CALCRL: variants seen among roughly 807,000 people sequenced by gnomAD.
CALCRL encodes calcitonin receptor like receptor, also known as calcitonin gene-related peptide type 1 receptor.
A neutral mutation model predicts 60.4 loss-of-function variants in CALCRL; 27 were observed. The observed-to-expected ratio is 0.45, with a 90% CI of 0.33 to 0.62. The LOEUF (loss-of-function observed/expected upper bound fraction) is 0.62, where lower values mean the gene tolerates loss of function less well. Among genes scored for constraint, CALCRL ranks in the 20% least tolerant of loss-of-function variants. CALCRL has a pLI of 0.03. For synonymous variants in CALCRL, 190 were observed against 182.6 expected (o/e 1.04, Z -0.33); for missense variants, 424 against 540.7 (o/e 0.78, Z 2.14).
In CALCRL at chr2:187,380,533, A is replaced by G. The variant is rs767449144; in HGVS notation, c.342T>C (p.His114=). ...ICDQDGNWFR[H]PASNRTWTNY... ...TTGTCCATGTTCTGTTGCTTGCTGG[A>G]TGTCTAAACCAGTTTCCATCTTGGT... Residue 114 remains histidine, a synonymous_variant, in exon 7 of 15, where the codon CAT becomes CAC. Coordinates refer to ENST00000392370, the MANE Select transcript of CALCRL (RefSeq NM_005795.6). 2 of 1,613,496 alleles carry G rather than the reference A, an allele frequency of 1.2e-6. No individual in the cohort carries two copies. The highest frequency in any genetic ancestry group is 1.7e-6 in the Non-Finnish European group (2 of 1,179,654).
At chr2:187,408,666 G>T (rs1320773311) in intron 1 of CALCRL, among the ~76,000 whole-genome samples, 1 of 151,598 alleles carries the variant, frequency 6.6e-6, no homozygotes, top group Non-Finnish European at 1.5e-5. Context: ...GGATAACTAA[G>T]GATTTTAATT....
At chr2:187,438,595 A>G (rs1462547345) in intron 1 of CALCRL, among the ~76,000 whole-genome samples, 1 of 152,092 alleles carries the variant, frequency 6.6e-6, no homozygotes, top group Admixed American at 6.6e-5. Context: ...CAGAAAGGCA[A>G]TAAGTAACGG....
At chr2:187,441,906 C>T (rs1426689647) in intron 1 of CALCRL, 1 of 151,558 alleles carries the variant, frequency 6.6e-6, no homozygotes, top group Non-Finnish European at 1.5e-5. Flanking sequence ...AAATTACCAA[C>T]TGCAGATTGT....
chr2:187,413,606 T>A (rs1689461976), intron 1 of CALCRL, among the ~76,000 whole-genome samples: 1 of 152,138 alleles, frequency 6.6e-6, no homozygotes, highest in African/African-American at 2.4e-5. Context: ...ATTTGGCAAT[T>A]CTTATAGAAA....
rs554067766 is a variant in CALCRL, at chr2:187,374,905, C to G, written c.500+4035G>C. Among the ~76,000 whole-genome samples the G allele has an allele frequency of 2.6e-4, 39 of 152,220 alleles. No homozygotes were observed. The South Asian group carries it at 8.1e-3, about 32-fold the overall frequency. On this transcript the variant is annotated intron_variant, in intron 8 of 14. Transcript: ENST00000392370. The stretch of plus-strand genomic sequence containing the variant: ...TATTTAAAGCAAAATCAGGCTAAGT[C>G]CATACTATTAGCAAGTAGTGATGAC...
At chr2:187,391,907 A>G (rs1688462559) in intron 1 of CALCRL, among the ~76,000 whole-genome samples, 1 of 152,116 alleles carries the variant, frequency 6.6e-6, no homozygotes, top group Non-Finnish European at 1.5e-5. Context: ...TTCTTAATAT[A>G]TTATACATCT....
intron 1 of CALCRL, among the ~76,000 whole-genome samples, chr2:187,416,483 A>G (rs1358660005): frequency 1.3e-5 from 2 of 152,188 alleles, no homozygotes; most frequent in African/African-American, 2.4e-5. Context: ...TTAAACACAG[A>G]TAATATTACA....
chr2:187,359,289 A>T lies in CALCRL; in HGVS notation c.782-17T>A. 5 of 1,487,638 alleles carry T rather than the reference A, an allele frequency of 3.4e-6. No homozygotes were observed. The highest frequency in any genetic ancestry group is 4.5e-6 in the Non-Finnish European group (5 of 1,114,504). The allele number at this position is 1,487,638 out of a possible 1,614,324, so 92.2% of individuals were successfully genotyped here. A position where few individuals can be genotyped will look rare whatever the true frequency, so the allele number is the denominator to read the frequency against. ...GTGGAAATCCTGTAATAACAAAAAA[A>T]AAAGAAAATAAATAGGCATTTTTTC... On this transcript the variant is annotated splice_polypyrimidine_tract_variant and intron_variant, in intron 10 of 14. Coordinates refer to ENST00000392370, the MANE Select transcript of CALCRL (RefSeq NM_005795.6).
At chr2:187,410,125 T>A (rs1689296264) in intron 1 of CALCRL, among the ~76,000 whole-genome samples, 1 of 152,160 alleles carries the variant, frequency 6.6e-6, no homozygotes, top group Admixed American at 6.5e-5. Flanking sequence ...AAAACAAGAA[T>A]AAGGAGTTCC....
At position 187,352,282 on chromosome 2, in the gene CALCRL, T is replaced by C. The variant is rs1314533018; in HGVS notation, c.960A>G (p.Leu320=). The C allele has an allele frequency of 6.2e-7, 1 of 1,612,196 alleles. No individual in the cohort carries two copies. The highest frequency in any genetic ancestry group is 1.7e-5 in the Admixed American group (1 of 59,796). The change falls in exon 13 of 15, where the codon TTA becomes TTG. Residue 320 remains leucine (L), a synonymous_variant. Transcript: ENST00000392370. ...LNIVRVLITK[L]KVTHQAESNL... is the part of the protein sequence containing the mutation. ...TGGATTCCGCTTGGTGTGTAACTTTTAACTTGGTGATGAGAACGCGTACAA... is the reference window on the plus strand; with the variant it reads ...TGGATTCCGCTTGGTGTGTAACTTTCAACTTGGTGATGAGAACGCGTACAA...
At chr2:187,359,323 G>T (rs760333667) in intron 10 of CALCRL, 51 bp from the exon 11 acceptor site, 87 of 1,328,716 alleles carry the variant, frequency 6.5e-5, no homozygotes, top group Non-Finnish European at 8.3e-5. Context: ...TCTACAGATG[G>T]TATTTCAAAA....
chr2:187,391,161 G>C (rs1688425662), intron 1 of CALCRL, among the ~76,000 whole-genome samples: 1 of 152,128 alleles, frequency 6.6e-6, no homozygotes, highest in Non-Finnish European at 1.5e-5. Context: ...ATGTTTAACT[G>C]TAATCCTTGG....
At chr2:187,372,814 A>G (rs1352195115) in intron 8 of CALCRL, among the ~76,000 whole-genome samples, 2 of 152,150 alleles carry the variant, frequency 1.3e-5, no homozygotes, top group Admixed American at 6.6e-5. Flanking sequence ...CTCCTCTAGG[A>G]ATTGTTTTCA....
rs965354338 is a variant in CALCRL, at chr2:187,348,401, A to G, written c.1171-2002T>C. On this transcript the variant is annotated intron_variant, in intron 14 of 14. Transcript: ENST00000392370. ...GCTGAATTGGTTGAGTATGTAATCA[A>G]TATAGTTTCTGGTTGAGGGGAAGTG... Among the ~76,000 whole-genome samples, 3 of 151,638 alleles carry G rather than the reference A, an allele frequency of 2.0e-5. No individual in the cohort carries two copies. In the Admixed American group the frequency reaches 2.0e-4, roughly 10 times the overall value.
chr2:187,395,932 A>G (rs1217511274), intron 1 of CALCRL, among the ~76,000 whole-genome samples: 1 of 151,886 alleles, frequency 6.6e-6, no homozygotes, highest in Non-Finnish European at 1.5e-5. Context: ...TTATATGAAA[A>G]GAAAAAAATG....
chr2:187,382,518 A>T (rs941388380), intron 5 of CALCRL, among the ~76,000 whole-genome samples: 1 of 152,194 alleles, frequency 6.6e-6, no homozygotes. Flanking sequence ...TGTGAGTTTT[A>T]CATTTGATAT....
intron 1 of CALCRL, among the ~76,000 whole-genome samples, chr2:187,413,284 A>T (rs1689447631): frequency 6.6e-6 from 1 of 152,068 alleles, no homozygotes. Flanking sequence ...ACATGGGCAT[A>T]GCACTTACAT....
At chr2:187,420,468 GA>G (rs1411731105) in intron 1 of CALCRL, among the ~76,000 whole-genome samples, 1 of 150,804 alleles carries the variant, frequency 6.6e-6, no homozygotes, top group Non-Finnish European at 1.5e-5. Context: ...TTTTTCAAAA[GA>G]AAAAAATTTT....
At chr2:187,377,250 G>A (rs952466087) in intron 8 of CALCRL, among the ~76,000 whole-genome samples, 2 of 152,070 alleles carry the variant, frequency 1.3e-5, no homozygotes, top group African/African-American at 4.8e-5. Context: ...AAGAGAGAAA[G>A]TGAATTTACT....
Sources: allele counts gnomAD v4.1 joint callset (sites outside exome capture counted in the v4.1 genomes callset), GRCh38; gene constraint gnomAD v4.1.1; transcripts MANE v1.5; gene names NCBI Gene and HGNC (gene_info 2026-07-23, HGNC 2026-07-21).